The following TMPRSS9 variants were observed in gnomAD, a reference collection of about 807,000 sequenced individuals.
TMPRSS9 encodes transmembrane serine protease 9.
Under a neutral mutation model 111.4 loss-of-function variants are expected in TMPRSS9, and 113 were observed. The observed-to-expected ratio is 1.01, with a 90% CI of 0.87 to 1.19. The LOEUF (loss-of-function observed/expected upper bound fraction) is 1.19, where lower values mean the gene tolerates loss of function less well. TMPRSS9 is among the 50% of genes most tolerant of loss of function. The pLI is 0.00. For synonymous variants in TMPRSS9, 805 were observed against 659.1 expected, an observed-to-expected ratio of 1.22 and a Z score of -3.39; for missense variants, 1,803 against 1,513.1, an observed-to-expected ratio of 1.19 and a Z score of -3.18.
At chr19:2,390,304 GAT>G (rs200746526) in intron 1 of TMPRSS9, among the ~76,000 whole-genome samples, 72,674 of 137,448 alleles carry the variant, frequency 0.53, 19,822 homozygotes, top group Middle Eastern at 0.66. Context: ...GCAGTGGTGT[GAT>G]ATCTCGGCTC....
chr19:2,363,500 A>C (rs549668074), intron 1 of TMPRSS9, among the ~76,000 whole-genome samples: 1 of 112,352 alleles, frequency 8.9e-6, no homozygotes, highest in Non-Finnish European at 1.8e-5. Flanking sequence ...TTGAGGTAGG[A>C]GCAGTTGTGG....
chr19:2,426,095 C>A (rs373187938), exon 18 of TMPRSS9: 13 of 1,546,692 alleles, frequency 8.4e-6, no homozygotes, highest in Admixed American at 5.5e-5. Flanking sequence ...GTGACCACCA[C>A]GTGACTGCCC....
chr19:2,397,096 T>G (rs183512492), intron 2 of TMPRSS9, among the ~76,000 whole-genome samples: 1 of 151,482 alleles, frequency 6.6e-6, no homozygotes, highest in East Asian at 2.0e-4. Context: ...GATTTTTGTA[T>G]TTTTAGTAGA....
intron 6 of TMPRSS9, among the ~76,000 whole-genome samples, chr19:2,405,033 CAT>C (rs1357006855): frequency 2.0e-5 from 3 of 151,410 alleles, no homozygotes; most frequent in African/African-American, 7.3e-5. Flanking sequence ...TTGTGAAGGA[CAT>C]AAAAGTAGAC....
intron 13 of TMPRSS9, 63 bp from the exon 15 acceptor site, chr19:2,421,791 A>G (rs1377130070): frequency 1.3e-6 from 2 of 1,509,292 alleles, no homozygotes; most frequent in Non-Finnish European, 8.9e-7. Context: ...GCAGGAGGGT[A>G]TGGCAGTGCT....
chr19:2,408,532 G>A (rs62120714), exon 8 of TMPRSS9: 101,097 of 1,613,602 alleles, frequency 0.063, 5,472 homozygotes, highest in East Asian at 0.3. Context: ...CCTTTCGGCC[G>A]GCACATCCAG....
At chr19:2,377,480 TCTCTCCCCCCCA>T (rs1970347030) in intron 1 of TMPRSS9, among the ~76,000 whole-genome samples, 3 of 33,590 alleles carry the variant, frequency 8.9e-5, no homozygotes, top group Non-Finnish European at 4.9e-5. Flanking sequence ...TCCCCTCTCC[TCTCTCCCCCCCA>T]CCCCTCTCCC....
At chr19:2,392,355 T>A (rs1970616122) in intron 1 of TMPRSS9, among the ~76,000 whole-genome samples, 1 of 151,896 alleles carries the variant, frequency 6.6e-6, no homozygotes, top group African/African-American at 2.4e-5. Flanking sequence ...ATCACACCAC[T>A]GCACTCCAGC....
chr19:2,384,812 CAAAAAAAAA>C (rs1176243923), upstream of TMPRSS9, among the ~76,000 whole-genome samples: 1 of 94,374 alleles, frequency 1.1e-5, no homozygotes, highest in Non-Finnish European at 2.1e-5. Context: ...AAGGCTCCGT[CAAAAAAAAA>C]AAAAAAAAAA....
intron 1 of TMPRSS9, among the ~76,000 whole-genome samples, chr19:2,366,856 CAAA>C (rs769704683): frequency 9.8e-5 from 6 of 61,318 alleles, no homozygotes; most frequent in African/African-American, 1.2e-4. Context: ...GACTCCATTT[CAAA>C]AAAAAAAAAA....
At chr19:2,407,956 G>A (rs10406364) in intron 7 of TMPRSS9, among the ~76,000 whole-genome samples, 37,875 of 151,176 alleles carry the variant, frequency 0.25, 5,268 homozygotes, top group African/African-American at 0.35. Flanking sequence ...GCTAATTTTT[G>A]TATTTTTAGT....
chr19:2,425,180 C>T lies in TMPRSS9; in HGVS notation c.2896C>T (p.Arg966Cys), dbSNP rs572441149. The T allele has an allele frequency of 2.3e-5, 35 of 1,551,150 alleles. No homozygotes were observed. In the South Asian group the frequency reaches 3.8e-4, roughly 17 times the overall value. Residue 966 changes from arginine to cysteine, a missense_variant, in exon 16 of 18, where the codon CGT becomes TGT. Physicochemically the swap from Arg to Cys is radical, Grantham distance 180. Transcript: ENST00000648592. ...GCCGGTGCGTCGCAGCCGCCTGGTG[C>T]GTCCCATCTGCCTGCCCGAGCCCGC...
intron 9 of TMPRSS9, among the ~76,000 whole-genome samples, chr19:2,411,330 A>T (rs1314599811): frequency 7.2e-6 from 1 of 139,636 alleles, no homozygotes; most frequent in Non-Finnish European, 1.6e-5. Flanking sequence ...AAAAAAAAAA[A>T]AAAGAGAAAA....
intron 1 of TMPRSS9, among the ~76,000 whole-genome samples, chr19:2,378,569 T>C (rs1970356697): frequency 6.6e-6 from 1 of 152,046 alleles, no homozygotes; most frequent in African/African-American, 2.4e-5. Context: ...AATACAAAAA[T>C]TAGCCAGGCA....
intron 1 of TMPRSS9, among the ~76,000 whole-genome samples, chr19:2,381,531 G>C (rs1181133609): frequency 6.6e-6 from 1 of 152,036 alleles, no homozygotes; most frequent in East Asian, 1.9e-4. Flanking sequence ...AAGAGTAAAT[G>C]GGAAAGTGTG....
rs572246313 is a variant in TMPRSS9 at position 2,382,757 on chromosome 19, A to G, written c.-25-7004A>G. Among the ~76,000 whole-genome samples the G allele has an allele frequency of 8.6e-4, 131 of 151,924 alleles. 1 individual carries two copies. Among genetic ancestry groups the G allele is most frequent in the Non-Finnish European group, 1.8e-4 (12 of 67,956 alleles). ...CGCACAAACGCACACATCCACACAT[A>G]CACAGATGCACACACGCACACACAG... On this transcript the variant is annotated intron_variant, in intron 1 of 17. Transcript: ENST00000649857.
chr19:2,416,417 A>G, intron 11 of TMPRSS9, 121 bp from the exon 13 acceptor site: 1 of 1,313,272 alleles, frequency 7.6e-7, no homozygotes. Context: ...AGGTCAGAGG[A>G]TGGTCCTGGG....
intron 1 of TMPRSS9, among the ~76,000 whole-genome samples, chr19:2,381,183 G>A (rs1275269510): frequency 6.6e-6 from 1 of 152,030 alleles, no homozygotes; most frequent in Non-Finnish European, 1.5e-5. Flanking sequence ...AGGTTGGCTG[G>A]ATGGAGAGAG....
chr19:2,409,447 A>C (rs951898872), intron 8 of TMPRSS9, among the ~76,000 whole-genome samples: 1 of 151,990 alleles, frequency 6.6e-6, no homozygotes, highest in East Asian at 1.9e-4. Flanking sequence ...CGGCCAAAAA[A>C]ATTGATCTTA....
Sources: allele counts gnomAD v4.1 joint callset (sites outside exome capture counted in the v4.1 genomes callset), GRCh38; gene constraint gnomAD v4.1.1; transcripts MANE v1.5; gene names NCBI Gene and HGNC (gene_info 2026-07-23, HGNC 2026-07-21).